Variants in IL13 observed in about 807,000 individuals in gnomAD.
IL13 encodes the protein interleukin 13.
In IL13, 9 loss-of-function variants were observed where a neutral mutation model predicts 11.1. The ratio of observed to expected loss-of-function variants is 0.81; its 90% CI spans 0.49 to 1.42. The LOEUF (loss-of-function observed/expected upper bound fraction) is 1.42, where lower values mean the gene tolerates loss of function less well. Among genes scored for constraint, IL13 ranks in the 40% most tolerant of loss-of-function variants. IL13 has a pLI of 0.00. For missense variants in IL13, 181 were observed against 182.5 expected (o/e 0.99, Z 0.05); for synonymous variants, 75 against 76.9 (o/e 0.97, Z 0.13).
Position 132,660,257 on chromosome 5 carries a change from T to G in IL13, c.416T>G (p.Leu139Arg), listed in dbSNP as rs771297548. The G allele has an allele frequency of 6.2e-7, 1 of 1,614,032 alleles. No individual in the cohort carries two copies. Among genetic ancestry groups the G allele is most frequent in the East Asian group, 2.2e-5 (1 of 44,890 alleles). The change falls in exon 4 of 4, where the codon CTT becomes CGT. Residue 139 changes from leucine to arginine, a missense_variant. Coordinates refer to ENST00000304506, the MANE Select transcript of IL13 (RefSeq NM_002188.3). ...VKDLLLHLKK[L>R]FREGQFN The stretch of plus-strand genomic sequence containing the variant: ...GACCTGCTCTTACATTTAAAGAAAC[T>G]TTTTCGCGAGGGACAGTTCAACTGA...
rs200632360 is a variant in IL13, at chr5:132,660,582, A to G, written c.*300A>G. On this transcript the variant is annotated 3_prime_UTR_variant, in exon 4 of 4. Transcript: ENST00000304506. ...GCCCTAGAGCACACTGTAGCATTAC[A>G]GTGGGTGCCCCCCTTGCCAGACATG... The G allele has an allele frequency of 3.3e-6, 1 of 303,760 alleles. No homozygotes were observed. Among genetic ancestry groups the G allele is most frequent in the Admixed American group, 4.7e-5 (1 of 21,376 alleles). The allele number at this position is 303,760 out of a possible 1,614,324, so 18.8% of individuals were successfully genotyped here.
rs926166133 is a variant in IL13 at position 132,660,607 on chromosome 5, G to A, written c.*325G>A. ...AGTGGGTGCCCCCCTTGCCAGACAT[G>A]TGGTGGGACAGGGACCCACTTCACA... On this transcript the variant is annotated 3_prime_UTR_variant, in exon 4 of 4. Transcript: ENST00000304506. The A allele has an allele frequency of 1.2e-5, 3 of 255,584 alleles. No homozygotes were observed. The highest frequency in any genetic ancestry group is 1.0e-4 in the Admixed American group (2 of 20,066). The allele number at this position is 255,584 out of a possible 1,614,324, so 15.8% of individuals were successfully genotyped here.
rs574210453 is a variant in IL13 at position 132,659,262 on chromosome 5, A to G, written c.175-156A>G. 4.1e-4 allele frequency: 270 copies of G among 658,918 alleles called. 2 individuals are homozygous for G. Among genetic ancestry groups the G allele is most frequent in the Admixed American group, 3.3e-3 (144 of 44,188 alleles). The allele number at this position is 658,918 out of a possible 1,614,324, so 40.8% of individuals were successfully genotyped here. Reference sequence around the variant, plus strand: ...CCTATGCCTGCTGTTCAAAGCAGAAAACGAAGCTCAGGAATGCTGAGGGGC... The same window carrying G: ...CCTATGCCTGCTGTTCAAAGCAGAAGACGAAGCTCAGGAATGCTGAGGGGC... On this transcript the variant is annotated intron_variant, in intron 1 of 3. Coordinates refer to ENST00000304506, the MANE Select transcript of IL13 (RefSeq NM_002188.3). This position sits in a 1 kb window ranked among gnomAD's most constrained non-coding sequence, Gnocchi z 4.1.
At chr5:132,657,011 G>C (rs1217569504), upstream of IL13, 1 of 153,248 alleles carries the variant, frequency 6.5e-6, no homozygotes, top group Non-Finnish European at 1.5e-5. Context: ...CTGGGGAGGC[G>C]CTGGTTCGGG....
Position 132,660,170 on chromosome 5 carries a change from TGCA to T in IL13, c.334_336del. On this transcript the variant is annotated splice_acceptor_variant and splice_polypyrimidine_tract_variant and intron_variant, in intron 3 of 3. Transcript: ENST00000304506. LOFTEE classifies it high-confidence loss of function. The stretch of plus-strand genomic sequence containing the variant: ...TACTCATGTGCTGACCTCTTTGTCC[TGCA>T]GCAGTTTTCCAGCTTGCATGTCCGA... 1 of 1,613,964 alleles carries T rather than the reference TGCA, an allele frequency of 6.2e-7. No individual in the cohort carries two copies. The highest frequency in any genetic ancestry group is 8.5e-7 in the Non-Finnish European group (1 of 1,179,828).
At chr5:132,660,131 G>A (rs780405199) in intron 3 of IL13, 44 bp from the exon 4 acceptor site, 43 of 1,589,864 alleles carry the variant, frequency 2.7e-5, no homozygotes, top group South Asian at 4.4e-5. Context: ...GAGTCGTCCC[G>A]GCCTCTGGCG....
Position 132,659,165 on chromosome 5 carries a change from G to A in IL13, c.175-253G>A. On this transcript the variant is annotated intron_variant, in intron 1 of 3. Transcript: ENST00000304506. This position sits in a 1 kb window ranked among gnomAD's most constrained non-coding sequence, Gnocchi z 4.1. ...GCCCTGACTATGGCAAGCCTTGCAT[G>A]CAGCTTGTCCCTTACTAGTGGTGTC... is the stretch of plus-strand genomic sequence containing the variant. The A allele has an allele frequency of 1.0e-5, 5 of 484,458 alleles. No individual in the cohort carries two copies. In the South Asian group the frequency reaches 1.1e-4, roughly 11 times the overall value. The allele number at this position is 484,458 out of a possible 1,614,324, so 30.0% of individuals were successfully genotyped here. A position where few individuals can be genotyped will look rare whatever the true frequency, so the allele number is the denominator to read the frequency against.
intron 1 of IL13, chr5:132,658,938 A>T: frequency 5.5e-6 from 1 of 181,350 alleles, no homozygotes; most frequent in Non-Finnish European, 1.2e-5. Flanking sequence ...TAAGTGACAG[A>T]GGCTGGATTC....
At position 132,658,494 on chromosome 5, in the gene IL13, G is replaced by A. The variant is rs895295697; in HGVS notation, c.174+134G>A. ...GAAAAATCTCCATGGACCAAGGCCC[G>A]GCCCAGCCATGAGGGAGAGAGGAGC... is the stretch of plus-strand genomic sequence containing the variant. On this transcript the variant is annotated intron_variant, in intron 1 of 3. Transcript: ENST00000304506. 22 of 588,636 alleles carry A rather than the reference G, an allele frequency of 3.7e-5. No homozygotes were observed. In the Admixed American group the frequency reaches 4.1e-4, roughly 11 times the overall value. The allele number at this position is 588,636 out of a possible 1,614,324, so 36.5% of individuals were successfully genotyped here.
chr5:132,659,061 G>C lies in IL13; in HGVS notation c.175-357G>C, dbSNP rs1752094892. On this transcript the variant is annotated intron_variant, in intron 1 of 3. Transcript: ENST00000304506. This position sits in a 1 kb window ranked among gnomAD's most constrained non-coding sequence, Gnocchi z 4.1. ...ATCCCCACCGCCTCCCATCTGATTT[G>C]TCTTGGTCAACAGTGGCCCAGGCCA... The C allele has an allele frequency of 3.4e-6, 1 of 292,174 alleles. No homozygotes were observed. Among genetic ancestry groups the C allele is most frequent in the South Asian group, 4.3e-5 (1 of 23,056 alleles). 18.1% of individuals were successfully genotyped at this position (292,174 alleles called of 1,614,324 possible). A position where few individuals can be genotyped will look rare whatever the true frequency, so the allele number is the denominator to read the frequency against.
chr5:132,657,473 TAGTG>T (rs1477916785), upstream of IL13, among the ~76,000 whole-genome samples: 1 of 151,864 alleles, frequency 6.6e-6, no homozygotes, highest in Non-Finnish European at 1.5e-5. Context: ...GCAGGCAACA[TAGTG>T]AGACCCCATC....
intron 3 of IL13, 74 bp from the exon 4 acceptor site, chr5:132,660,100 TG>T: frequency 5.4e-6 from 8 of 1,470,092 alleles, no homozygotes; most frequent in Non-Finnish European, 7.5e-6. Flanking sequence ...AGACAGTCCC[TG>T]GAAAGCCCCT....
chr5:132,660,110 C>T, intron 3 of IL13, 65 bp from the exon 4 acceptor site: 1 of 1,530,264 alleles, frequency 6.5e-7, no homozygotes. Context: ...TGGAAAGCCC[C>T]TGGTTTGTGC....
Position 132,660,245 on chromosome 5 carries a change from A to G in IL13, c.404A>G (p.His135Arg). 6.2e-7 allele frequency: 1 copy of G among 1,614,172 alleles called. No individual in the cohort carries two copies. Among genetic ancestry groups the G allele is most frequent in the Non-Finnish European group, 8.5e-7 (1 of 1,180,004 alleles). The change falls in exon 4 of 4, where the codon CAT (histidine) becomes CGT (arginine). Residue 135 changes from histidine (H) to arginine (R), a missense_variant. By Grantham distance (29) the His-to-Arg change is conservative. Transcript: ENST00000304506. ...VAQFVKDLLL[H>R]LKKLFREGQF... is the part of the protein sequence containing the mutation. ...CAGTTTGTAAAGGACCTGCTCTTACATTTAAAGAAACTTTTTCGCGAGGGA... is the reference window on the plus strand; with the variant it reads ...CAGTTTGTAAAGGACCTGCTCTTACGTTTAAAGAAACTTTTTCGCGAGGGA...
chr5:132,656,621 ACAGAC>A (rs1399754158), upstream of IL13: 2 of 152,568 alleles, frequency 1.3e-5, no homozygotes, highest in Non-Finnish European at 2.9e-5. Context: ...CGGGAGTTGC[ACAGAC>A]CAAGGTAGTT....
At chr5:132,657,910 T>C (rs964000895), upstream of IL13, among the ~76,000 whole-genome samples, 2 of 152,116 alleles carry the variant, frequency 1.3e-5, no homozygotes, top group African/African-American at 2.4e-5. Context: ...CAGGGCAGCA[T>C]TGCAAATGCC....
At chr5:132,658,118 G>A (rs1236883827), upstream of IL13, 3 of 777,202 alleles carry the variant, frequency 3.9e-6, no homozygotes, top group Non-Finnish European at 6.4e-6. Context: ...AGAGACCATG[G>A]TGTCAGGCGT....
Position 132,660,310 on chromosome 5 carries a change from G to T in IL13, c.*28G>T. On this transcript the variant is annotated 3_prime_UTR_variant, in exon 4 of 4. Coordinates refer to ENST00000304506, the MANE Select transcript of IL13 (RefSeq NM_002188.3). The stretch of plus-strand genomic sequence containing the variant: ...CTTCGAAAGCATCATTATTTGCAGA[G>T]ACAGGACCTGACTATTGAAGTTGCA... 6.2e-7 allele frequency: 1 copy of T among 1,606,658 alleles called. No homozygotes were observed. Among genetic ancestry groups the T allele is most frequent in the Middle Eastern group, 1.7e-4 (1 of 6,034 alleles).
rs1374778179 is a variant in IL13 at position 132,659,947 on chromosome 5, G to A, written c.333+119G>A. 11 of 1,484,948 alleles carry A rather than the reference G, an allele frequency of 7.4e-6. No homozygotes were observed. Among genetic ancestry groups the A allele is most frequent in the Non-Finnish European group, 9.9e-6 (11 of 1,114,970 alleles). 92.0% of individuals were successfully genotyped at this position (1,484,948 alleles called of 1,614,324 possible). ...GTGTCCACCCAGGGGTGGGGCCATT[G>A]TGGCAGCAGGGACGTGGCCTTCGGG... On this transcript the variant is annotated intron_variant, in intron 3 of 3. Transcript: ENST00000304506. The surrounding 1 kb of genome is among the most constrained non-coding windows in gnomAD (Gnocchi z 4.1).
Sources: gnomAD v4.1 joint callset for allele counts (sites outside exome capture counted in the v4.1 genomes callset) on GRCh38, gnomAD v4.1.1 for gene constraint, Gnocchi (gnomAD v3.1) non-coding constraint, MANE v1.5 for transcripts, NCBI Gene and HGNC (gene_info 2026-07-23, HGNC 2026-07-21) for gene names.